Variants in RBFOX2 observed in about 807,000 individuals in gnomAD.
RBFOX2 encodes RNA binding fox-1 homolog 2.
In RBFOX2, 10 loss-of-function variants were observed where a neutral mutation model predicts 49.1. The ratio of observed to expected loss-of-function variants is 0.20; its 90% CI spans 0.13 to 0.35. RBFOX2 has a LOEUF of 0.35. RBFOX2 is among the 10% of genes least tolerant of loss of function. The pLI is 1.00. For synonymous variants in RBFOX2, 183 were observed against 187.4 expected, an observed-to-expected ratio of 0.98 and a Z score of 0.19; for missense variants, 323 against 486.9, an observed-to-expected ratio of 0.66 and a Z score of 3.17.
chr22:35,977,735 T>G lies in RBFOX2; in HGVS notation c.187-38838A>C, dbSNP rs1248680243. On this transcript the variant is annotated intron_variant, in intron 1 of 13. Transcript: ENST00000438146. Reference sequence around the variant, plus strand: ...TACCTGAATGAACTATATATATATATATATATATATATATATATATATATA... The same window carrying G: ...TACCTGAATGAACTATATATATATAGATATATATATATATATATATATATA... Among the ~76,000 whole-genome samples, 157 of 115,922 alleles carry G rather than the reference T, an allele frequency of 1.4e-3. 1 individual carries two copies. Among genetic ancestry groups the G allele is most frequent in the African/African-American group, 4.0e-3 (138 of 34,494 alleles). 76.0% of individuals were successfully genotyped at this position (115,922 alleles called of 152,430 possible).
chr22:35,784,683 C>T (rs530967559), intron 2 of RBFOX2, among the ~76,000 whole-genome samples: 55 of 152,380 alleles, frequency 3.6e-4, no homozygotes, highest in African/African-American at 1.2e-3. Context: ...TTTTAGAAGC[C>T]GCGGACCAAG....
chr22:35,840,163 G>A, intron 1 of RBFOX2: 1 of 1,611,554 alleles, frequency 6.2e-7, no homozygotes, highest in South Asian at 1.1e-5. Flanking sequence ...GAGGAGAAAA[G>A]AAACATGCCG....
intron 1 of RBFOX2, among the ~76,000 whole-genome samples, chr22:35,828,198 A>C (rs561067239): frequency 1.2e-3 from 184 of 151,668 alleles, no homozygotes; most frequent in African/African-American, 4.3e-3. Context: ...TTTTCTTTTT[A>C]CCTGAAACTA....
intron 1 of RBFOX2, among the ~76,000 whole-genome samples, chr22:35,896,554 T>C (rs1030408745): frequency 6.6e-6 from 1 of 152,194 alleles, no homozygotes; most frequent in African/African-American, 2.4e-5. Context: ...CTACCTAATA[T>C]TCCCACTGTG....
chr22:35,828,678 A>T (rs1856872934), intron 1 of RBFOX2, among the ~76,000 whole-genome samples: 1 of 152,218 alleles, frequency 6.6e-6, no homozygotes, highest in Admixed American at 6.5e-5. Context: ...TAGAGTTTTA[A>T]AAAGAGTCTT....
chr22:35,860,743 GGATATACACTGAATCTACA>G (rs965267815), intron 1 of RBFOX2, among the ~76,000 whole-genome samples: 1 of 152,064 alleles, frequency 6.6e-6, no homozygotes, highest in Non-Finnish European at 1.5e-5. Context: ...ATTCTGATTG[GGATATACACTGAATCTACA>G]GATCACTTTG....
In RBFOX2 at chr22:35,816,168, A is replaced by T. The variant is rs1030275303; in HGVS notation, c.28-6164T>A. 2.6e-5 allele frequency among the ~76,000 whole-genome samples: 4 copies of T among 152,236 alleles called. No homozygotes were observed. The East Asian group carries it at 7.7e-4, about 29-fold the overall frequency. ...AGACAAAACAATGCTCATTTGCAAG[A>T]CTTAAAGCAAAATTACTCTAGATTC... is the stretch of plus-strand genomic sequence containing the variant. On this transcript the variant is annotated intron_variant, in intron 1 of 11. Coordinates refer to ENST00000405409, the Ensembl canonical transcript of RBFOX2.
intron 1 of RBFOX2, among the ~76,000 whole-genome samples, chr22:35,980,084 G>A (rs2057383898): frequency 1.3e-5 from 2 of 152,132 alleles, no homozygotes; most frequent in Admixed American, 1.3e-4. Context: ...GGGAATGTTG[G>A]GCCTTTACTC....
At chr22:35,966,841 C>G (rs2056588076) in intron 1 of RBFOX2, among the ~76,000 whole-genome samples, 1 of 152,128 alleles carries the variant, frequency 6.6e-6, no homozygotes, top group African/African-American at 2.4e-5. Context: ...AAGACAGGGT[C>G]TTGCTCTGTT....
chr22:35,878,478 C>T (rs960439149), intron 1 of RBFOX2, among the ~76,000 whole-genome samples: 1 of 152,236 alleles, frequency 6.6e-6, no homozygotes, highest in Non-Finnish European at 1.5e-5. Context: ...AATTAGAGCT[C>T]ACTGCAGCTT....
rs186681296 is a variant in RBFOX2, at chr22:36,004,308, T to C, written c.186+23932A>G. 2.2e-4 allele frequency among the ~76,000 whole-genome samples: 34 copies of C among 152,328 alleles called. No individual in the cohort carries two copies. The South Asian group carries it at 2.7e-3, about 12-fold the overall frequency. ...GCACTACCTACACCAAACTCATCCATTGGATCCTTACACATCATTGCTACC... is the reference window on the plus strand; with the variant it reads ...GCACTACCTACACCAAACTCATCCACTGGATCCTTACACATCATTGCTACC... On this transcript the variant is annotated intron_variant, in intron 1 of 13. Coordinates refer to the RBFOX2 transcript ENST00000438146.
At chr22:35,803,201 A>T (rs1403303627) in intron 2 of RBFOX2, among the ~76,000 whole-genome samples, 1 of 151,786 alleles carries the variant, frequency 6.6e-6, no homozygotes, top group African/African-American at 2.4e-5. Context: ...AGAAAAATAA[A>T]TAACACCCCA....
chr22:35,809,057 A>C (rs78843311), intron 2 of RBFOX2, among the ~76,000 whole-genome samples: 2 of 134,936 alleles, frequency 1.5e-5, no homozygotes, highest in African/African-American at 5.4e-5. Flanking sequence ...ATTTGCATTA[A>C]AAAAAAAAAA....
At chr22:35,740,533 C>A (rs1049132251) in exon 12 of RBFOX2, 4 of 152,596 alleles carry the variant, frequency 2.6e-5, no homozygotes, top group African/African-American at 9.7e-5. Flanking sequence ...TTCCCCACCC[C>A]CCAAAGTCCC....
chr22:35,864,369 A>G (rs1052571808), intron 1 of RBFOX2, among the ~76,000 whole-genome samples: 2 of 152,178 alleles, frequency 1.3e-5, no homozygotes, highest in African/African-American at 4.8e-5. Context: ...AGGAATTTAC[A>G]TAAGTTACTC....
intron 1 of RBFOX2, chr22:35,997,053 T>C (rs1225131916): frequency 4.6e-5 from 7 of 152,240 alleles, no homozygotes; most frequent in Non-Finnish European, 1.0e-4. Flanking sequence ...AGGGATTTAC[T>C]GGCATTTGAT....
Position 35,765,138 on chromosome 22 carries a change from T to C in RBFOX2, c.607+285A>G, listed in dbSNP as rs191334241. Among the ~76,000 whole-genome samples, 434 of 150,302 alleles carry C rather than the reference T, an allele frequency of 2.9e-3. 2 individuals carry two copies. The highest frequency in any genetic ancestry group is 4.7e-3 in the Non-Finnish European group (318 of 67,708). On this transcript the variant is annotated intron_variant, in intron 6 of 11. Coordinates refer to ENST00000405409, the Ensembl canonical transcript of RBFOX2. Reference sequence around the variant, plus strand: ...GAGCTACAGCAGCTGAAAAAGAAGGTGCTCAGGTGGGATCCAATTTGGGTT... The same window carrying C: ...GAGCTACAGCAGCTGAAAAAGAAGGCGCTCAGGTGGGATCCAATTTGGGTT...
chr22:35,989,725 T>C (rs1163180059), intron 1 of RBFOX2, among the ~76,000 whole-genome samples: 1 of 152,004 alleles, frequency 6.6e-6, no homozygotes, highest in African/African-American at 2.4e-5. Context: ...GGACGAAAAG[T>C]GGCACTCAAA....
intron 1 of RBFOX2, among the ~76,000 whole-genome samples, chr22:35,876,933 CT>C (rs2045190865): frequency 1.3e-5 from 2 of 152,144 alleles, no homozygotes; most frequent in African/African-American, 4.8e-5. Flanking sequence ...ATAAGAGATA[CT>C]TTTCCCCCAG....
Sources: gnomAD v4.1 joint callset for allele counts (sites outside exome capture counted in the v4.1 genomes callset) on GRCh38, gnomAD v4.1.1 for gene constraint, MANE v1.5 for transcripts, NCBI Gene and HGNC (gene_info 2026-07-23, HGNC 2026-07-21) for gene names.